The following JMJD1C variants were observed in gnomAD, a reference collection of about 807,000 sequenced individuals.
JMJD1C encodes jumonji domain-containing protein 1C.
JMJD1C carries 31 observed loss-of-function variants against 245.3 expected under a neutral mutation model. The ratio of observed to expected loss-of-function variants is 0.13; its 90% CI spans 0.09 to 0.17. The LOEUF is 0.17. Ranked by LOEUF, JMJD1C falls within the 10% of genes least tolerant of loss-of-function variation. The pLI is 1.00. For synonymous variants in JMJD1C, 1,057 were observed against 1,017.4 expected (o/e 1.04, Z -0.74); for missense variants, 2,691 against 3,000.2 (o/e 0.90, Z 2.41).
intron 25 of JMJD1C, 131 bp from the exon 26 acceptor site, chr10:63,168,265 A>C: frequency 9.1e-6 from 9 of 990,222 alleles, no homozygotes; most frequent in Non-Finnish European, 1.4e-5. Context: ...TGAAAGTGTT[A>C]AGCCAAAAGG....
chr10:63,502,149 CAATT>C (rs1554954224), intron 1 of JMJD1C, among the ~76,000 whole-genome samples: 1 of 152,088 alleles, frequency 6.6e-6, no homozygotes, highest in Non-Finnish European at 1.5e-5. Context: ...GCATGAGAGA[CAATT>C]AAGGTCAGAA....
intron 3 of JMJD1C, among the ~76,000 whole-genome samples, chr10:63,236,406 G>GTTTTTCTTCTAAA (rs1850735291): frequency 2.0e-5 from 3 of 152,242 alleles, no homozygotes; most frequent in South Asian, 2.1e-4. Flanking sequence ...GAAGAAAAAT[G>GTTTTTCTTCTAAA]TGTTTTCTTC....
chr10:63,357,463 A>C (rs1944943314), intron 2 of JMJD1C, among the ~76,000 whole-genome samples: 1 of 151,282 alleles, frequency 6.6e-6, no homozygotes, highest in Non-Finnish European at 1.5e-5. Flanking sequence ...GCGCCACCAC[A>C]CCTGGTTAAT....
chr10:63,182,835 T>A (rs750446281), intron 22 of JMJD1C, among the ~76,000 whole-genome samples: 1 of 152,090 alleles, frequency 6.6e-6, no homozygotes, highest in Non-Finnish European at 1.5e-5. Context: ...TAGTTCCTAT[T>A]CTTCAATAAA....
At chr10:63,399,086 T>C (rs187229062) in intron 1 of JMJD1C, among the ~76,000 whole-genome samples, 37 of 152,294 alleles carry the variant, frequency 2.4e-4, no homozygotes, top group Non-Finnish European at 4.7e-4. Context: ...CAGTAAACAA[T>C]AGATGTTTTT....
chr10:63,331,755 C>G (rs754339242), intron 2 of JMJD1C, among the ~76,000 whole-genome samples: 5 of 152,046 alleles, frequency 3.3e-5, no homozygotes, highest in Admixed American at 6.6e-5. Flanking sequence ...TGGGACCACA[C>G]CACAGGCATG....
chr10:63,344,159 T>C (rs899860272), intron 2 of JMJD1C, among the ~76,000 whole-genome samples: 11 of 152,244 alleles, frequency 7.2e-5, no homozygotes, highest in African/African-American at 2.7e-4. Flanking sequence ...TTCACTGACA[T>C]GCCTACAGCA....
intron 3 of JMJD1C, among the ~76,000 whole-genome samples, chr10:63,242,268 G>A (rs1209182945): frequency 1.3e-5 from 2 of 152,104 alleles, no homozygotes; most frequent in Admixed American, 1.3e-4. Flanking sequence ...CAGCATAAAT[G>A]GTATATACAT....
At chr10:63,318,496 C>T (rs572866390) in intron 2 of JMJD1C, among the ~76,000 whole-genome samples, 1 of 152,078 alleles carries the variant, frequency 6.6e-6, no homozygotes, top group South Asian at 2.1e-4. Context: ...TATAATCATG[C>T]CCTTTTCTGC....
intron 1 of JMJD1C, among the ~76,000 whole-genome samples, chr10:63,500,695 G>A (rs1954518365): frequency 6.6e-6 from 1 of 151,936 alleles, no homozygotes; most frequent in Non-Finnish European, 1.5e-5. Context: ...TCGGGCCACT[G>A]AGCCTGGGCA....
intron 23 of JMJD1C, 61 bp downstream of exon 23, chr10:63,177,654 ACG>A (rs1564553856): frequency 2.6e-6 from 4 of 1,532,816 alleles, no homozygotes; most frequent in Non-Finnish European, 2.7e-6. Flanking sequence ...AAGTGAAGGT[ACG>A]GCAACAATGA....
At chr10:63,239,087 T>A (rs1851156392) in intron 3 of JMJD1C, among the ~76,000 whole-genome samples, 1 of 152,176 alleles carries the variant, frequency 6.6e-6, no homozygotes, top group African/African-American at 2.4e-5. Context: ...AAGAAAAGTA[T>A]GAAACCAAGG....
At chr10:63,209,011 A>C (rs2133167294) in intron 9 of JMJD1C, 52 bp downstream of exon 9, 1 of 1,457,070 alleles carries the variant, frequency 6.9e-7, no homozygotes. Flanking sequence ...AAGGCAAATT[A>C]AGAAAAATTA....
At chr10:63,365,878 A>G (rs1207815951) in intron 2 of JMJD1C, among the ~76,000 whole-genome samples, 1 of 152,222 alleles carries the variant, frequency 6.6e-6, no homozygotes, top group Non-Finnish European at 1.5e-5. Context: ...CTACTGGGAA[A>G]CAATCACTAG....
intron 3 of JMJD1C, among the ~76,000 whole-genome samples, chr10:63,232,506 GAAT>G (rs1364119944): frequency 5.9e-5 from 9 of 152,074 alleles, no homozygotes; most frequent in Non-Finnish European, 1.0e-4. Flanking sequence ...CTTGATCCAA[GAAT>G]ATTAACTGTT....
intron 1 of JMJD1C, among the ~76,000 whole-genome samples, chr10:63,406,319 C>T (rs1949167678): frequency 6.6e-6 from 1 of 152,122 alleles, no homozygotes; most frequent in South Asian, 2.1e-4. Context: ...ATGTATGCAT[C>T]TCCAATGTGT....
At chr10:63,203,184 C>T in intron 10 of JMJD1C, 1 of 984,854 alleles carries the variant, frequency 1.0e-6, no homozygotes, top group Non-Finnish European at 1.2e-6. Flanking sequence ...CCACACATGA[C>T]TGCAACTAAC....
chr10:63,445,981 T>G (rs1951697923), intron 1 of JMJD1C, among the ~76,000 whole-genome samples: 1 of 148,546 alleles, frequency 6.7e-6, no homozygotes, highest in Non-Finnish European at 1.5e-5. Flanking sequence ...GCTCAGGCGA[T>G]TCTCCCACCT....
In JMJD1C at chr10:63,511,724, A is replaced by C. The variant is rs563210368; in HGVS notation, n.113+10014T>G. Among the ~76,000 whole-genome samples the C allele has an allele frequency of 2.0e-5, 3 of 152,080 alleles. No individual in the cohort carries two copies. In the East Asian group the frequency reaches 5.8e-4, roughly 29 times the overall value. On this transcript the variant is annotated intron_variant and non_coding_transcript_variant, in intron 1 of 3. Transcript: ENST00000633035. ...AGAGCAAGACTCCATCTCAAAAAAAAAAAAATATATACAGTATTTGTGGGA... is the reference window on the plus strand; with the variant it reads ...AGAGCAAGACTCCATCTCAAAAAAACAAAAATATATACAGTATTTGTGGGA...
Sources: allele counts gnomAD v4.1 joint callset (sites outside exome capture counted in the v4.1 genomes callset), GRCh38; gene constraint gnomAD v4.1.1; transcripts MANE v1.5; gene names NCBI Gene and HGNC (gene_info 2026-07-23, HGNC 2026-07-21).